Variants in CACNA1E observed in about 807,000 individuals in gnomAD.
CACNA1E encodes the protein voltage-dependent R-type calcium channel subunit alpha-1E.
CACNA1E carries 40 observed loss-of-function variants against 259.2 expected under a neutral mutation model. That is an observed-to-expected ratio of 0.15 (90% CI 0.12 to 0.20). The LOEUF (loss-of-function observed/expected upper bound fraction) is 0.20, where lower values mean the gene tolerates loss of function less well. CACNA1E is among the 10% of genes least tolerant of loss of function. The pLI is 1.00. For missense variants in CACNA1E, 1,874 were observed against 3,040.1 expected, an observed-to-expected ratio of 0.62 and a Z score of 9.02; for synonymous variants, 1,104 against 1,138.5, an observed-to-expected ratio of 0.97 and a Z score of 0.61.
intron 41 of CACNA1E, among the ~76,000 whole-genome samples, chr1:181,785,089 T>G (rs955356911): frequency 3.9e-5 from 6 of 152,130 alleles, no homozygotes; most frequent in African/African-American, 1.4e-4. Flanking sequence ...ATCCTCAGTA[T>G]CGTCACCATC....
At chr1:181,335,670 G>C (rs1165057675) in intron 1 of CACNA1E, among the ~76,000 whole-genome samples, 1 of 152,184 alleles carries the variant, frequency 6.6e-6, no homozygotes, top group Non-Finnish European at 1.5e-5. Flanking sequence ...TTACCCTTCT[G>C]TCTGCCATCC....
intron 1 of CACNA1E, among the ~76,000 whole-genome samples, chr1:181,321,851 G>A (rs1650378196): frequency 6.6e-6 from 1 of 152,158 alleles, no homozygotes; most frequent in Non-Finnish European, 1.5e-5. Flanking sequence ...TGTGCAAATC[G>A]GTAACCTAGT....
chr1:181,747,656 G>A (rs1657218305), intron 25 of CACNA1E, among the ~76,000 whole-genome samples: 1 of 152,108 alleles, frequency 6.6e-6, no homozygotes, highest in African/African-American at 2.4e-5. Context: ...AAAAATATCT[G>A]ATTATAATTT....
At chr1:181,782,212 T>A (rs1299159522) in intron 39 of CACNA1E, among the ~76,000 whole-genome samples, 1 of 152,242 alleles carries the variant, frequency 6.6e-6, no homozygotes, top group African/African-American at 2.4e-5. Context: ...GCACAAGTTG[T>A]ATTCAGCATT....
intron 2 of CACNA1E, among the ~76,000 whole-genome samples, chr1:181,424,502 G>C (rs183740476): frequency 6.6e-6 from 1 of 152,356 alleles, no homozygotes; most frequent in East Asian, 1.9e-4. Flanking sequence ...CGCGAGCAGC[G>C]CGGTTTTCTG....
chr1:181,494,078 T>A (rs1051026914), intron 1 of CACNA1E, among the ~76,000 whole-genome samples: 3 of 152,134 alleles, frequency 2.0e-5, no homozygotes, highest in African/African-American at 7.3e-5. Context: ...CAGAGGTCAC[T>A]TCCTCTGTGA....
chr1:181,545,660 G>A (rs1647370606), intron 3 of CACNA1E, among the ~76,000 whole-genome samples: 1 of 152,202 alleles, frequency 6.6e-6, no homozygotes, highest in Non-Finnish European at 1.5e-5. Flanking sequence ...GAGGAGGCAC[G>A]AGGAAACCAC....
At chr1:181,765,871 A>T (rs181985224) in intron 34 of CACNA1E, among the ~76,000 whole-genome samples, 120 of 152,294 alleles carry the variant, frequency 7.9e-4, no homozygotes, top group African/African-American at 2.7e-3. Flanking sequence ...CTCACCTCTA[A>T]AACTGAAATG....
At chr1:181,388,262 G>A (rs1008092815) in intron 1 of CACNA1E, among the ~76,000 whole-genome samples, 2 of 152,210 alleles carry the variant, frequency 1.3e-5, no homozygotes, top group Admixed American at 6.5e-5. Context: ...CTGCGGTAAC[G>A]TTCTAGAAGG....
At position 181,799,012 on chromosome 1, in the gene CACNA1E, T is replaced by A; in HGVS notation, c.*178T>A. ...AGAACACCAGTCAAACCCACCAAAT[T>A]GCTTTATTCCCCTTTGCAAGATGGG... On this transcript the variant is annotated 3_prime_UTR_variant, in exon 48 of 48. Transcript: ENST00000367573. 1.9e-6 allele frequency: 1 copy of A among 536,786 alleles called. No homozygotes were observed. The highest frequency in any genetic ancestry group is 3.1e-6 in the Non-Finnish European group (1 of 325,594). 33.3% of individuals were successfully genotyped at this position (536,786 alleles called of 1,614,324 possible).
intron 1 of CACNA1E, among the ~76,000 whole-genome samples, chr1:181,385,807 C>T (rs1223940848): frequency 4.6e-5 from 7 of 150,808 alleles, no homozygotes; most frequent in African/African-American, 1.2e-4. Flanking sequence ...TCCCTCCCTC[C>T]GTTTCTCCAT....
intron 14 of CACNA1E, 72 bp from the exon 15 acceptor site, chr1:181,720,711 G>T: frequency 1.1e-6 from 1 of 873,816 alleles, no homozygotes; most frequent in Non-Finnish European, 1.9e-6. Context: ...GATGAAAGCT[G>T]TGATCTTGGG....
upstream of CACNA1E, among the ~76,000 whole-genome samples, chr1:181,478,763 A>G (rs1018268285): frequency 6.6e-6 from 1 of 152,238 alleles, no homozygotes; most frequent in Non-Finnish European, 1.5e-5. Context: ...CCAAGGCCTG[A>G]CAGATCTGGG....
intron 32 of CACNA1E, among the ~76,000 whole-genome samples, chr1:181,760,458 T>C (rs181775505): frequency 2.6e-5 from 4 of 152,348 alleles, no homozygotes; most frequent in Non-Finnish European, 5.9e-5. Context: ...TTGTTGTTGT[T>C]ATTTTAAATG....
At chr1:181,679,697 G>A (rs1649740042) in intron 7 of CACNA1E, among the ~76,000 whole-genome samples, 1 of 152,194 alleles carries the variant, frequency 6.6e-6, no homozygotes, top group African/African-American at 2.4e-5. Context: ...TCCTCCTCCT[G>A]TCAGTGGCTG....
At chr1:181,471,175 T>C (rs1415574316) in intron 2 of CACNA1E, among the ~76,000 whole-genome samples, 1 of 152,198 alleles carries the variant, frequency 6.6e-6, no homozygotes, top group Non-Finnish European at 1.5e-5. Context: ...ATCCCATCCA[T>C]AAGATTAGCC....
At chr1:181,447,030 A>C (rs1167089755) in intron 2 of CACNA1E, among the ~76,000 whole-genome samples, 1 of 152,178 alleles carries the variant, frequency 6.6e-6, no homozygotes, top group East Asian at 1.9e-4. Flanking sequence ...GTAAGGTTGC[A>C]CTTCCAAGGT....
At chr1:181,543,055 A>G (rs1668720546) in intron 3 of CACNA1E, among the ~76,000 whole-genome samples, 1 of 152,016 alleles carries the variant, frequency 6.6e-6, no homozygotes, top group South Asian at 2.1e-4. Flanking sequence ...CAAATGTCAC[A>G]TATTAAAATA....
chr1:181,397,673 T>C (rs1323681766), intron 1 of CACNA1E, among the ~76,000 whole-genome samples: 1 of 152,196 alleles, frequency 6.6e-6, no homozygotes, highest in Non-Finnish European at 1.5e-5. Flanking sequence ...GAAAAACTTT[T>C]GTATGGGCTA....
Sources: allele counts gnomAD v4.1 joint callset (sites outside exome capture counted in the v4.1 genomes callset), GRCh38; gene constraint gnomAD v4.1.1; transcripts MANE v1.5; gene names NCBI Gene and HGNC (gene_info 2026-07-23, HGNC 2026-07-21).